CLVS2: variants seen among roughly 807,000 people sequenced by gnomAD.
CLVS2 encodes the protein clavesin 2.
CLVS2 carries 19 observed loss-of-function variants against 29.0 expected under a neutral mutation model. The ratio of observed to expected loss-of-function variants is 0.66; its 90% CI spans 0.46 to 0.96. CLVS2 has a LOEUF of 0.96. Ranked by LOEUF, CLVS2 falls within the 40% of genes least tolerant of loss-of-function variation. CLVS2 has a pLI of 0.00. For missense variants in CLVS2, 294 were observed against 404.1 expected, an observed-to-expected ratio of 0.73 and a Z score of 2.34; for synonymous variants, 161 against 151.3, an observed-to-expected ratio of 1.06 and a Z score of -0.47.
intron 3 of CLVS2, among the ~76,000 whole-genome samples, chr6:123,024,096 C>T (rs2114325084): frequency 6.6e-6 from 1 of 152,210 alleles, no homozygotes; most frequent in Admixed American, 6.5e-5. Flanking sequence ...GCACATCATA[C>T]AAAACTCACC....
intron 3 of CLVS2, among the ~76,000 whole-genome samples, chr6:123,043,211 C>T (rs904339363): frequency 6.6e-5 from 10 of 151,982 alleles, no homozygotes; most frequent in Admixed American, 1.3e-4. Flanking sequence ...AAAACTTGAG[C>T]GCATACATCA....
chr6:123,009,062 G>A (rs1271834152), intron 2 of CLVS2, among the ~76,000 whole-genome samples: 1 of 152,002 alleles, frequency 6.6e-6, no homozygotes, highest in African/African-American at 2.4e-5. Flanking sequence ...CTAACAAAAA[G>A]TATGCTATGT....
chr6:123,033,311 T>C (rs928677055), intron 3 of CLVS2, among the ~76,000 whole-genome samples: 2 of 152,120 alleles, frequency 1.3e-5, no homozygotes, highest in Non-Finnish European at 2.9e-5. Context: ...CAAATTGATA[T>C]AGCAGTAATA....
chr6:122,998,249 G>T, intron 2 of CLVS2, 83 bp downstream of exon 2: 1 of 1,453,660 alleles, frequency 6.9e-7, no homozygotes, highest in Non-Finnish European at 9.2e-7. Context: ...TGGTTTTGTA[G>T]ATTTGATATT....
chr6:123,009,718 CAAAGTGTACAA>C (rs1201211566), intron 2 of CLVS2, among the ~76,000 whole-genome samples: 5 of 151,970 alleles, frequency 3.3e-5, no homozygotes, highest in Admixed American at 6.6e-5. Flanking sequence ...ACTTAAAATG[CAAAGTGTACAA>C]AAATTGAAAT....
intron 4 of CLVS2, among the ~76,000 whole-genome samples, chr6:123,050,883 G>A (rs570469169): frequency 1.3e-5 from 2 of 152,234 alleles, no homozygotes; most frequent in South Asian, 4.2e-4. Flanking sequence ...CTGCGTTTTG[G>A]GGTTTTGTAA....
chr6:123,047,875 A>G (rs1350324623), intron 3 of CLVS2, among the ~76,000 whole-genome samples: 1 of 152,118 alleles, frequency 6.6e-6, no homozygotes, highest in African/African-American at 2.4e-5. Context: ...GTTGCCATTC[A>G]TTTGGGTTAA....
Position 123,048,678 on chromosome 6 carries a change from C to A in CLVS2, c.621C>A (p.Ile207=). The change falls in exon 4 of 6, where the codon ATC becomes ATA. Residue 207 remains isoleucine (I), a synonymous_variant. Coordinates refer to ENST00000275162, the MANE Select transcript of CLVS2 (RefSeq NM_001010852.4). ...ATTTTGTCAATCAACCATGGTATAT[C>A]CATGCCCTGTACACCGTGATCCGGC... ...GIHFVNQPWY[I]HALYTVIRPF... is the part of the protein sequence containing the mutation. The A allele has an allele frequency of 1.9e-6, 3 of 1,613,514 alleles. No homozygotes were observed. The highest frequency in any genetic ancestry group is 2.5e-6 in the Non-Finnish European group (3 of 1,179,568).
chr6:123,062,000 C>G (rs1162711833), intron 5 of CLVS2, among the ~76,000 whole-genome samples: 1 of 152,090 alleles, frequency 6.6e-6, no homozygotes, highest in Non-Finnish European at 1.5e-5. Flanking sequence ...AAATTATTTA[C>G]TGGCTAGAAG....
chr6:123,063,922 G>C lies in CLVS2; in HGVS notation c.*161G>C. The C allele has an allele frequency of 2.2e-6, 1 of 451,384 alleles. No homozygotes were observed. Among genetic ancestry groups the C allele is most frequent in the East Asian group, 3.5e-5 (1 of 28,984 alleles). 28.0% of individuals were successfully genotyped at this position (451,384 alleles called of 1,614,324 possible). A position where few individuals can be genotyped will look rare whatever the true frequency, so the allele number is the denominator to read the frequency against. ...CAGGCTTTCCTTGGCCTGAACCATG[G>C]GGGCCCTGGGCTGGATTTTTAAAAT... On this transcript the variant is annotated 3_prime_UTR_variant, in exon 6 of 6. Transcript: ENST00000275162.
intron 5 of CLVS2, among the ~76,000 whole-genome samples, chr6:123,060,153 A>G (rs1382814815): frequency 1.3e-5 from 2 of 152,206 alleles, no homozygotes; most frequent in East Asian, 1.9e-4. Context: ...TTAGATTAAG[A>G]GGGAGAAAAT....
intron 4 of CLVS2, among the ~76,000 whole-genome samples, chr6:123,053,709 A>G (rs1276572200): frequency 6.6e-6 from 1 of 152,136 alleles, no homozygotes; most frequent in Non-Finnish European, 1.5e-5. Context: ...CTGGAGATGG[A>G]AGTAGGGCCG....
intron 2 of CLVS2, among the ~76,000 whole-genome samples, chr6:123,007,072 A>G (rs1774679352): frequency 6.6e-6 from 1 of 152,174 alleles, no homozygotes; most frequent in Non-Finnish European, 1.5e-5. Context: ...ACTGTTAAAA[A>G]CTTTACATAT....
chr6:123,048,574 A>G lies in CLVS2; in HGVS notation c.565-48A>G, dbSNP rs768020543. 3 of 1,230,292 alleles carry G rather than the reference A, an allele frequency of 2.4e-6. No homozygotes were observed. In the African/African-American group the frequency reaches 4.5e-5, roughly 18 times the overall value. The allele number at this position is 1,230,292 out of a possible 1,614,324, so 76.2% of individuals were successfully genotyped here. On this transcript the variant is annotated intron_variant, in intron 3 of 5. Transcript: ENST00000275162. Reference sequence around the variant, plus strand: ...CATATAACCTTTCCTAAACCTTCTCAGTCTATTAAAGCATATTTTGATTGT... The same window carrying G: ...CATATAACCTTTCCTAAACCTTCTCGGTCTATTAAAGCATATTTTGATTGT...
Position 123,055,931 on chromosome 6 carries a change from C to T in CLVS2, c.801C>T (p.Asp267=). ...GGACATGGGCAAGAACACTGCTAGA[C>T]CATGAATATGACGATGACAGCGAGT... is the stretch of plus-strand genomic sequence containing the variant. ...DMGTWARTLL[D]HEYDDDSEYN... is the part of the protein sequence containing the mutation. The change falls in exon 5 of 6, where the codon GAC becomes GAT. Residue 267 remains aspartate, a synonymous_variant. Transcript: ENST00000275162. The T allele has an allele frequency of 1.2e-6, 2 of 1,613,972 alleles. No individual in the cohort carries two copies. The highest frequency in any genetic ancestry group is 1.7e-6 in the Non-Finnish European group (2 of 1,179,910).
In CLVS2 at chr6:123,070,571, C is replaced by T. The variant is rs2114380650; in HGVS notation, c.*6810C>T. The T allele has an allele frequency of 6.6e-6, 1 of 151,960 alleles. No homozygotes were observed. The highest frequency in any genetic ancestry group is 1.5e-5 in the Non-Finnish European group (1 of 67,906). The allele number at this position is 151,960 out of a possible 1,614,324, so 9.4% of individuals were successfully genotyped here. A position where few individuals can be genotyped will look rare whatever the true frequency, so the allele number is the denominator to read the frequency against. On this transcript the variant is annotated 3_prime_UTR_variant, in exon 6 of 6. Coordinates refer to ENST00000275162, the MANE Select transcript of CLVS2 (RefSeq NM_001010852.4). Reference sequence around the variant, plus strand: ...ACTCAGACCATTTTGTTCTCCAAACCCTCTGAAAGAGTAAAAGCCGATGTC... The same window carrying T: ...ACTCAGACCATTTTGTTCTCCAAACTCTCTGAAAGAGTAAAAGCCGATGTC...
chr6:123,042,888 A>G (rs1032331101), intron 3 of CLVS2, among the ~76,000 whole-genome samples: 4 of 152,168 alleles, frequency 2.6e-5, no homozygotes, highest in Admixed American at 2.6e-4. Flanking sequence ...AAATGGATAC[A>G]AGGTATCCAA....
At chr6:123,058,407 T>C (rs1038326362) in intron 5 of CLVS2, among the ~76,000 whole-genome samples, 3 of 152,190 alleles carry the variant, frequency 2.0e-5, no homozygotes, top group African/African-American at 4.8e-5. Context: ...GCCCTTTTTC[T>C]TCAGCCATTC....
chr6:123,035,338 A>G (rs1241364101), intron 3 of CLVS2, among the ~76,000 whole-genome samples: 1 of 152,100 alleles, frequency 6.6e-6, no homozygotes, highest in African/African-American at 2.4e-5. Flanking sequence ...ACCCATACAA[A>G]CATGAACACA....
Sources: gnomAD v4.1 joint callset for allele counts (sites outside exome capture counted in the v4.1 genomes callset) on GRCh38, gnomAD v4.1.1 for gene constraint, MANE v1.5 for transcripts, NCBI Gene and HGNC (gene_info 2026-07-23, HGNC 2026-07-21) for gene names.